Variants in FABP12 observed in about 807,000 individuals in gnomAD.
The protein encoded by FABP12 is fatty acid binding protein 12.
In FABP12, 19 loss-of-function variants were observed where a neutral mutation model predicts 13.7. The ratio of observed to expected loss-of-function variants is 1.39; its 90% CI spans 0.97 to 2.04. The LOEUF (loss-of-function observed/expected upper bound fraction) is 2.04. Ranked by LOEUF, FABP12 falls within the 30% of genes most tolerant of loss-of-function variation. The probability of loss-of-function intolerance (pLI) is 0.00; values close to 1 mark genes in which losing one functional copy is unlikely to be tolerated. For synonymous variants in FABP12, 61 were observed against 57.0 expected, an observed-to-expected ratio of 1.07 and a Z score of -0.32; for missense variants, 182 against 164.2, an observed-to-expected ratio of 1.11 and a Z score of -0.59.
intron 1 of FABP12, among the ~76,000 whole-genome samples, chr8:81,582,470 C>T (rs1347147778): frequency 2.0e-5 from 3 of 151,884 alleles, no homozygotes; most frequent in East Asian, 3.9e-4. Flanking sequence ...AAACTCACCT[C>T]ACATGTAAAG....
At chr8:81,570,271 T>C (rs2130070391) in intron 1 of FABP12, among the ~76,000 whole-genome samples, 1 of 151,130 alleles carries the variant, frequency 6.6e-6, no homozygotes, top group African/African-American at 2.4e-5. Context: ...TCTTCTCTCC[T>C]TCTCTTTGCT....
At chr8:81,525,644 T>A (rs996285140) in intron 4 of FABP12, among the ~76,000 whole-genome samples, 1 of 152,220 alleles carries the variant, frequency 6.6e-6, no homozygotes, top group Non-Finnish European at 1.5e-5. Flanking sequence ...AACCTATGTA[T>A]GGCGAATCAC....
chr8:81,574,196 A>C (rs111802420), intron 1 of FABP12, among the ~76,000 whole-genome samples: 7,915 of 152,218 alleles, frequency 0.052, 245 homozygotes, highest in South Asian at 0.1. Context: ...CTTTTTCTGC[A>C]TCTACTGAGA....
intron 1 of FABP12, among the ~76,000 whole-genome samples, chr8:81,570,021 T>C (rs1360228540): frequency 6.6e-6 from 1 of 152,248 alleles, no homozygotes; most frequent in Non-Finnish European, 1.5e-5. Context: ...CTGGCCACTG[T>C]GCAGTCAGGC....
At chr8:81,535,808 C>T (rs1180152954), upstream of FABP12, among the ~76,000 whole-genome samples, 2 of 152,092 alleles carry the variant, frequency 1.3e-5, no homozygotes, top group African/African-American at 4.8e-5. Flanking sequence ...ACAAAGGATT[C>T]TGGGTCTGAA....
At chr8:81,549,895 A>G (rs750630842) in intron 1 of FABP12, among the ~76,000 whole-genome samples, 3 of 152,178 alleles carry the variant, frequency 2.0e-5, no homozygotes, top group Non-Finnish European at 4.4e-5. Flanking sequence ...GCTCACATAC[A>G]TCTTTTGTCC....
intron 1 of FABP12, among the ~76,000 whole-genome samples, chr8:81,543,383 T>C: frequency 6.6e-6 from 1 of 152,216 alleles, no homozygotes; most frequent in Admixed American, 6.5e-5. Context: ...GCTATTTTAA[T>C]GATTATGGCT....
intron 1 of FABP12, among the ~76,000 whole-genome samples, chr8:81,552,020 T>C (rs1008824820): frequency 6.6e-6 from 1 of 152,084 alleles, no homozygotes. Context: ...TATCATCTAA[T>C]TTGGACCACA....
At chr8:81,571,842 C>T (rs906550447) in intron 1 of FABP12, among the ~76,000 whole-genome samples, 2 of 152,124 alleles carry the variant, frequency 1.3e-5, no homozygotes, top group African/African-American at 4.8e-5. Context: ...TGAAATAACC[C>T]AAATTGAAAC....
At chr8:81,537,718 C>G (rs530902169), upstream of FABP12, among the ~76,000 whole-genome samples, 1 of 152,134 alleles carries the variant, frequency 6.6e-6, no homozygotes, top group African/African-American at 2.4e-5. Flanking sequence ...TCATGAGGCT[C>G]AGGGTGTTTC....
chr8:81,586,441 C>G (rs1467718794), intron 1 of FABP12, among the ~76,000 whole-genome samples: 1 of 152,164 alleles, frequency 6.6e-6, no homozygotes, highest in African/African-American at 2.4e-5. Context: ...AATGGCTGAA[C>G]TAATTTACGT....
intron 1 of FABP12, among the ~76,000 whole-genome samples, chr8:81,570,030 G>A (rs929023324): frequency 2.0e-5 from 3 of 152,250 alleles, no homozygotes; most frequent in Admixed American, 6.5e-5. Flanking sequence ...GTGCAGTCAG[G>A]CATGCCAGTT....
intron 1 of FABP12, among the ~76,000 whole-genome samples, chr8:81,558,545 A>C (rs559589183): frequency 1.3e-5 from 2 of 152,098 alleles, no homozygotes; most frequent in African/African-American, 2.4e-5. Flanking sequence ...GGCAAAACCC[A>C]TGTGCCCTCA....
At chr8:81,588,354 C>T (rs192147116) in intron 1 of FABP12, among the ~76,000 whole-genome samples, 1 of 152,278 alleles carries the variant, frequency 6.6e-6, no homozygotes, top group Non-Finnish European at 1.5e-5. Context: ...ATTTCTTTCT[C>T]TTGACAGATT....
exon 2 of FABP12, chr8:81,531,385 T>G (rs1809071872): frequency 1.9e-6 from 2 of 1,040,108 alleles, no homozygotes; most frequent in Non-Finnish European, 2.8e-6. Flanking sequence ...TGAAGTAGTA[T>G]GGGAACTTGT....
intron 1 of FABP12, among the ~76,000 whole-genome samples, chr8:81,576,342 A>G (rs1018547407): frequency 6.6e-6 from 1 of 152,280 alleles, no homozygotes; most frequent in Middle Eastern, 3.4e-3. Flanking sequence ...AATTTTTAAT[A>G]TATAATATTT....
chr8:81,529,516 G>A (rs1332627459), exon 3 of FABP12: 2 of 1,613,782 alleles, frequency 1.2e-6, no homozygotes, highest in African/African-American at 2.7e-5. Context: ...TTTTAAAGAT[G>A]CTTTTGGTTT....
At chr8:81,535,021 T>C (rs1809188363), upstream of FABP12, among the ~76,000 whole-genome samples, 1 of 152,180 alleles carries the variant, frequency 6.6e-6, no homozygotes, top group African/African-American at 2.4e-5. Context: ...CTGATTGAGG[T>C]AGGAAAGAAT....
At chr8:81,571,905 T>C (rs375048005) in intron 1 of FABP12, among the ~76,000 whole-genome samples, 1 of 152,170 alleles carries the variant, frequency 6.6e-6, no homozygotes, top group Non-Finnish European at 1.5e-5. Context: ...GAAATATGCT[T>C]ACTATTAAGA....
Sources: gnomAD v4.1 joint callset for allele counts (sites outside exome capture counted in the v4.1 genomes callset) on GRCh38, gnomAD v4.1.1 for gene constraint, MANE v1.5 for transcripts, NCBI Gene and HGNC (gene_info 2026-07-23, HGNC 2026-07-21) for gene names.